The following HIVEP2 variants were observed in gnomAD, a reference collection of about 807,000 sequenced individuals.
HIVEP2 encodes HIVEP zinc finger 2.
In HIVEP2, 14 loss-of-function variants were observed where a neutral mutation model predicts 180.7. That is an observed-to-expected ratio of 0.08 (90% CI 0.05 to 0.12). HIVEP2 has a LOEUF of 0.12. HIVEP2 is among the 10% of genes least tolerant of loss of function. HIVEP2 has a pLI of 1.00. For synonymous variants in HIVEP2, 1,184 were observed against 1,136.4 expected, an observed-to-expected ratio of 1.04 and a Z score of -0.84; for missense variants, 2,579 against 3,008.5, an observed-to-expected ratio of 0.86 and a Z score of 3.34.
In HIVEP2 at chr6:142,753,475, T is replaced by C; in HGVS notation, c.6973A>G (p.Asn2325Asp). Residue 2325 changes from asparagine (N) to aspartate (D), a missense_variant, in exon 10 of 10, where the codon AAT (asparagine) becomes GAT (aspartate). Around this residue, in one of 11 missense-constraint regions of HIVEP2, gnomAD observed 660 missense variants for 731.7 expected, o/e 0.90. Transcript: ENST00000367603. ...LNATEREQEE[N>D]IQTCTKAIAS... ...ATGGCTTTTGTACAAGTCTGTATATTTTCCTCCTGTTCCCGCTCTGTTGCG... is the reference window on the plus strand; with the variant it reads ...ATGGCTTTTGTACAAGTCTGTATATCTTCCTCCTGTTCCCGCTCTGTTGCG... 6 of 1,614,024 alleles carry C rather than the reference T, an allele frequency of 3.7e-6. No homozygotes were observed. The highest frequency in any genetic ancestry group is 5.1e-6 in the Non-Finnish European group (6 of 1,180,036).
intron 2 of HIVEP2, among the ~76,000 whole-genome samples, chr6:142,818,785 G>GAA (rs1562249265): frequency 1.5e-5 from 2 of 130,288 alleles, no homozygotes; most frequent in Admixed American, 7.7e-5. Flanking sequence ...AAGAAAGAAA[G>GAA]AAAGAAAAAG....
At chr6:142,819,335 C>T (rs925539800) in intron 2 of HIVEP2, among the ~76,000 whole-genome samples, 1 of 152,264 alleles carries the variant, frequency 6.6e-6, no homozygotes, top group East Asian at 1.9e-4. Flanking sequence ...TGTCTATGTG[C>T]ATTTTCCTGG....
chr6:142,941,105 C>T (rs985762804), intron 1 of HIVEP2, among the ~76,000 whole-genome samples: 4 of 152,142 alleles, frequency 2.6e-5, no homozygotes, highest in African/African-American at 7.2e-5. Flanking sequence ...AGCACAAATT[C>T]GGCCTAGAAC....
intron 2 of HIVEP2, among the ~76,000 whole-genome samples, chr6:142,831,279 G>A (rs1029826334): frequency 2.6e-5 from 4 of 152,190 alleles, no homozygotes; most frequent in Admixed American, 6.5e-5. Flanking sequence ...TGAGGTCTGC[G>A]ATGCAGTGCC....
At chr6:142,794,625 T>A (rs887325100) in intron 2 of HIVEP2, among the ~76,000 whole-genome samples, 1 of 152,200 alleles carries the variant, frequency 6.6e-6, no homozygotes, top group Non-Finnish European at 1.5e-5. Context: ...CTTTGAGCTA[T>A]GGTCAAATTT....
intron 1 of HIVEP2, among the ~76,000 whole-genome samples, chr6:142,857,155 A>G (rs942260534): frequency 6.6e-6 from 1 of 152,156 alleles, no homozygotes; most frequent in Non-Finnish European, 1.5e-5. Flanking sequence ...AATGCCAAAA[A>G]TAAAAAGGTA....
chr6:142,833,798 G>C (rs1420174995), intron 2 of HIVEP2, among the ~76,000 whole-genome samples: 1 of 152,174 alleles, frequency 6.6e-6, no homozygotes, highest in Non-Finnish European at 1.5e-5. Flanking sequence ...GGCAGTCTTT[G>C]TAAGGAGGCC....
chr6:142,905,454 C>T (rs1777239533), intron 1 of HIVEP2, among the ~76,000 whole-genome samples: 2 of 152,134 alleles, frequency 1.3e-5, no homozygotes, highest in African/African-American at 4.8e-5. Context: ...TGTACTATTA[C>T]TTACATTTTA....
At chr6:142,898,388 G>A (rs186747796) in intron 1 of HIVEP2, among the ~76,000 whole-genome samples, 23 of 152,228 alleles carry the variant, frequency 1.5e-4, no homozygotes, top group South Asian at 2.1e-4. Flanking sequence ...CAGGCCGCGC[G>A]CAGTGGCTCA....
chr6:142,931,242 T>C (rs1334450642), intron 1 of HIVEP2, among the ~76,000 whole-genome samples: 1 of 151,880 alleles, frequency 6.6e-6, no homozygotes, highest in Non-Finnish European at 1.5e-5. Context: ...AACAAAACTT[T>C]ATTGTATGCG....
At chr6:142,897,171 A>G (rs759008851) in intron 1 of HIVEP2, among the ~76,000 whole-genome samples, 1 of 152,218 alleles carries the variant, frequency 6.6e-6, no homozygotes, top group African/African-American at 2.4e-5. Context: ...CCACCAGAGA[A>G]ATAAAAATTA....
intron 2 of HIVEP2, among the ~76,000 whole-genome samples, chr6:142,788,732 C>G (rs1178176074): frequency 6.6e-6 from 1 of 151,736 alleles, no homozygotes; most frequent in Non-Finnish European, 1.5e-5. Flanking sequence ...CAACAACAAA[C>G]AAACAAACAA....
At chr6:142,893,730 C>A (rs1429413557) in intron 1 of HIVEP2, among the ~76,000 whole-genome samples, 2 of 152,138 alleles carry the variant, frequency 1.3e-5, no homozygotes. Context: ...TAACTCTGCC[C>A]TAAAGTCAGT....
At position 142,774,631 on chromosome 6, in the gene HIVEP2, C is replaced by T; in HGVS notation, c.108G>A (p.Met36Ile). Residue 36 changes from methionine to isoleucine, a missense_variant, in exon 5 of 10, where the codon ATG (methionine) becomes ATA (isoleucine). Transcript: ENST00000367603. The surrounding 1 kb of genome is among the most constrained non-coding windows in gnomAD (Gnocchi z 5.1). ...GTCCTTCATGACTGCCAAAAGTGCT[C>T]ATCTTAATAACAGCTGATTGTTCCT... ...WRQEQSAVIK[M>I]STFGSHEGQR... 6.2e-7 allele frequency: 1 copy of T among 1,614,192 alleles called. No individual in the cohort carries two copies. Among genetic ancestry groups the T allele is most frequent in the Non-Finnish European group, 8.5e-7 (1 of 1,180,036 alleles).
rs780754720 is a variant in HIVEP2 at position 142,789,812 on chromosome 6, T to C, written c.-527-6197A>G. Among the ~76,000 whole-genome samples, 44 of 152,312 alleles carry C rather than the reference T, an allele frequency of 2.9e-4. 1 individual carries two copies. In the Middle Eastern group the frequency reaches 0.02, roughly 71 times the overall value. ...ATTTTGAAATTCAAATGAGCAAAGA[T>C]ATTTATAATCCATAATCAAAGAAAC... On this transcript the variant is annotated intron_variant, in intron 2 of 9. Transcript: ENST00000367603.
intron 2 of HIVEP2, among the ~76,000 whole-genome samples, chr6:142,827,604 C>G (rs1326308956): frequency 6.6e-6 from 1 of 152,148 alleles, no homozygotes; most frequent in African/African-American, 2.4e-5. Context: ...AAGGAGAGCC[C>G]GAGGACTTCC....
chr6:142,828,432 T>G (rs1196639094), intron 2 of HIVEP2, among the ~76,000 whole-genome samples: 1 of 152,178 alleles, frequency 6.6e-6, no homozygotes, highest in Non-Finnish European at 1.5e-5. Flanking sequence ...GCTTTGGATT[T>G]TAGTTGAGCT....
intron 1 of HIVEP2, among the ~76,000 whole-genome samples, chr6:142,918,352 A>T (rs1013647093): frequency 1.4e-4 from 21 of 152,058 alleles, no homozygotes; most frequent in African/African-American, 4.3e-4. Context: ...AGCCCTATTT[A>T]TTTTTTTCTA....
chr6:142,854,868 C>T (rs1459411874), intron 1 of HIVEP2, among the ~76,000 whole-genome samples: 1 of 152,150 alleles, frequency 6.6e-6, no homozygotes, highest in Non-Finnish European at 1.5e-5. Context: ...AGGGAAAAGT[C>T]CTACTGGGCC....
Sources: allele counts gnomAD v4.1 joint callset (sites outside exome capture counted in the v4.1 genomes callset), GRCh38; gene constraint gnomAD v4.1.1; regional missense constraint gnomAD v4.1.1; non-coding constraint Gnocchi (gnomAD v3.1); transcripts MANE v1.5; gene names NCBI Gene and HGNC (gene_info 2026-07-23, HGNC 2026-07-21).